GPC6: variants seen among roughly 807,000 people sequenced by gnomAD.
GPC6 encodes glypican 6, also known as glypican-6.
GPC6 carries 14 observed loss-of-function variants against 55.2 expected under a neutral mutation model. The observed-to-expected ratio is 0.25, with a 90% CI of 0.17 to 0.40. The LOEUF (loss-of-function observed/expected upper bound fraction) is 0.40. GPC6 is among the 10% of genes least tolerant of loss of function. GPC6 has a pLI of 1.00. For missense variants in GPC6, 641 were observed against 708.5 expected, an observed-to-expected ratio of 0.90 and a Z score of 1.08; for synonymous variants, 278 against 259.6, an observed-to-expected ratio of 1.07 and a Z score of -0.68.
chr13:93,822,862 T>TTAG (rs1176750802), intron 2 of GPC6, among the ~76,000 whole-genome samples: 1 of 148,914 alleles, frequency 6.7e-6, no homozygotes, highest in Admixed American at 6.7e-5. Context: ...TATTTTATTA[T>TTAG]TATTATTATT....
intron 2 of GPC6, among the ~76,000 whole-genome samples, chr13:93,646,858 GAA>G (rs11344204): frequency 1.4e-4 from 20 of 142,706 alleles, no homozygotes; most frequent in East Asian, 6.4e-4. Context: ...ATCATGACAT[GAA>G]AAAAAAAAAA....
chr13:93,493,981 G>A (rs1880146497), intron 1 of GPC6, among the ~76,000 whole-genome samples: 1 of 125,970 alleles, frequency 7.9e-6, no homozygotes, highest in Admixed American at 8.2e-5. Flanking sequence ...GTGTGATGCT[G>A]AAAAAAATGT....
intron 2 of GPC6, among the ~76,000 whole-genome samples, chr13:93,631,728 A>G (rs1879446477): frequency 6.6e-6 from 1 of 152,202 alleles, no homozygotes; most frequent in Non-Finnish European, 1.5e-5. Flanking sequence ...ATCTGTAGTT[A>G]TATACCACTG....
chr13:93,616,195 A>G (rs1029495569), intron 2 of GPC6, among the ~76,000 whole-genome samples: 1 of 152,114 alleles, frequency 6.6e-6, no homozygotes, highest in Non-Finnish European at 1.5e-5. Flanking sequence ...TTTCCTTTTA[A>G]AGAACAAATA....
intron 4 of GPC6, among the ~76,000 whole-genome samples, chr13:94,079,614 A>G (rs1885037727): frequency 6.6e-6 from 1 of 152,186 alleles, no homozygotes; most frequent in Non-Finnish European, 1.5e-5. Context: ...AACTAATAGG[A>G]CATTTCAAGT....
chr13:93,793,030 A>C lies in GPC6; in HGVS notation c.320-37124A>C, dbSNP rs937671415. Among the ~76,000 whole-genome samples, 49 of 152,226 alleles carry C rather than the reference A, an allele frequency of 3.2e-4. 1 individual carries two copies. The highest frequency in any genetic ancestry group is 3.1e-4 in the Non-Finnish European group (21 of 68,046). The stretch of plus-strand genomic sequence containing the variant: ...CTGATTTGGCAAGACTGTTGCAAGA[A>C]TAATGCCGGCGAAATTTGATTTGAA... On this transcript the variant is annotated intron_variant, in intron 2 of 8. Transcript: ENST00000377047.
intron 1 of GPC6, among the ~76,000 whole-genome samples, chr13:93,356,743 T>A (rs1394302890): frequency 1.3e-5 from 2 of 152,238 alleles, no homozygotes; most frequent in African/African-American, 4.8e-5. Flanking sequence ...TATCTTTTGA[T>A]CTTTTCAGAA....
At chr13:94,157,302 A>G (rs1307247128) in intron 4 of GPC6, among the ~76,000 whole-genome samples, 1 of 152,056 alleles carries the variant, frequency 6.6e-6, no homozygotes, top group Non-Finnish European at 1.5e-5. Flanking sequence ...TTTATTTTCT[A>G]GAGAGAGAGA....
chr13:93,901,489 CA>C (rs1375706453), intron 3 of GPC6, among the ~76,000 whole-genome samples: 13 of 152,028 alleles, frequency 8.6e-5, no homozygotes, highest in Non-Finnish European at 1.8e-4. Context: ...AAATATTTTT[CA>C]GTATTTTTAA....
intron 1 of GPC6, among the ~76,000 whole-genome samples, chr13:93,303,225 T>G (rs557241700): frequency 7.7e-4 from 117 of 152,272 alleles, no homozygotes; most frequent in Non-Finnish European, 1.1e-3. Flanking sequence ...ACTTTAAAAT[T>G]TTACTGTCCC....
At chr13:94,251,611 G>T (rs955102382) in intron 4 of GPC6, among the ~76,000 whole-genome samples, 1 of 151,966 alleles carries the variant, frequency 6.6e-6, no homozygotes, top group Non-Finnish European at 1.5e-5. Flanking sequence ...GATTAATTAA[G>T]GGTGCCGTTG....
intron 3 of GPC6, among the ~76,000 whole-genome samples, chr13:93,979,495 A>G (rs899028425): frequency 6.6e-6 from 1 of 151,860 alleles, no homozygotes; most frequent in Admixed American, 6.6e-5. Flanking sequence ...TGGTAGAGCA[A>G]TGCTACCCAG....
intron 1 of GPC6, among the ~76,000 whole-genome samples, chr13:93,401,913 A>G (rs1876102703): frequency 6.6e-6 from 1 of 152,078 alleles, no homozygotes. Flanking sequence ...TGGGGGAAGG[A>G]AACTAACATC....
Position 94,303,765 on chromosome 13 carries a change from C to CAAAAAAA in GPC6, c.1009-2201_1009-2195dup, listed in dbSNP as rs11300129. On this transcript the variant is annotated intron_variant, in intron 5 of 8. Coordinates refer to ENST00000377047, the MANE Select transcript of GPC6 (RefSeq NM_005708.5). ...ATGTTCTGTAATAATTAACTCCCTC[C>CAAAAAAA]AAAAAAAAAAAAAAAAAAAATTCCA... Among the ~76,000 whole-genome samples the CAAAAAAA allele has an allele frequency of 1.8e-4, 18 of 98,282 alleles. No individual in the cohort carries two copies. The East Asian group carries it at 4.1e-3, about 22-fold the overall frequency. The allele number at this position is 98,282 out of a possible 152,430, so 64.5% of individuals were successfully genotyped here. A position where few individuals can be genotyped will look rare whatever the true frequency, so the allele number is the denominator to read the frequency against.
At chr13:93,252,130 A>T (rs895258214) in intron 1 of GPC6, among the ~76,000 whole-genome samples, 2 of 152,172 alleles carry the variant, frequency 1.3e-5, no homozygotes, top group Admixed American at 1.3e-4. Context: ...AGAGTTTTTG[A>T]TTCAGTAGAT....
intron 1 of GPC6, among the ~76,000 whole-genome samples, chr13:93,508,224 G>A (rs374563206): frequency 6.6e-5 from 10 of 152,196 alleles, no homozygotes; most frequent in African/African-American, 2.4e-4. Flanking sequence ...GAAAACAACT[G>A]GGAATAGGCT....
chr13:93,239,489 A>G (rs1156367549), intron 1 of GPC6, among the ~76,000 whole-genome samples: 1 of 151,608 alleles, frequency 6.6e-6, no homozygotes, highest in Non-Finnish European at 1.5e-5. Context: ...TAATGTTTCT[A>G]TGTTTATTTC....
At chr13:93,322,425 T>TTTC (rs1397119328) in intron 1 of GPC6, among the ~76,000 whole-genome samples, 5 of 143,740 alleles carry the variant, frequency 3.5e-5, no homozygotes, top group Non-Finnish European at 4.5e-5. Context: ...TTTTTTTTTC[T>TTTC]TTCTTCTTTT....
chr13:93,295,218 G>A (rs1878447463), intron 1 of GPC6, among the ~76,000 whole-genome samples: 1 of 145,460 alleles, frequency 6.9e-6, no homozygotes, highest in African/African-American at 2.6e-5. Flanking sequence ...TGAGTCAAGA[G>A]AGGTTGAGGA....
Sources: allele counts gnomAD v4.1 joint callset (sites outside exome capture counted in the v4.1 genomes callset), GRCh38; gene constraint gnomAD v4.1.1; transcripts MANE v1.5; gene names NCBI Gene and HGNC (gene_info 2026-07-23, HGNC 2026-07-21).